CNOT7: variants seen among roughly 807,000 people sequenced by gnomAD.
The protein encoded by CNOT7 is BTG1-binding factor 1.
A neutral mutation model predicts 37.1 loss-of-function variants in CNOT7; 4 were observed. That is an observed-to-expected ratio of 0.11 (90% CI 0.05 to 0.25). CNOT7 has a LOEUF of 0.25. Among genes scored for constraint, CNOT7 ranks in the 10% least tolerant of loss-of-function variants. The pLI is 1.00. For missense variants in CNOT7, 170 were observed against 336.2 expected, an observed-to-expected ratio of 0.51 and a Z score of 3.87; for synonymous variants, 128 against 115.6, an observed-to-expected ratio of 1.11 and a Z score of -0.69.
At position 17,226,949 on chromosome 8, in the gene CNOT7, C is replaced by G. The variant is rs1360561080; in HGVS notation, c.*3771G>C. 2 of 151,334 alleles carry G rather than the reference C, an allele frequency of 1.3e-5. No homozygotes were observed. Among genetic ancestry groups the G allele is most frequent in the African/African-American group, 4.8e-5 (2 of 41,276 alleles). 9.4% of individuals were successfully genotyped at this position (151,334 alleles called of 1,614,324 possible). A position where few individuals can be genotyped will look rare whatever the true frequency, so the allele number is the denominator to read the frequency against. On this transcript the variant is annotated 3_prime_UTR_variant, in exon 7 of 7. Transcript: ENST00000361272. ...CAAAAAAATAAAAATAAATCTTTAG[C>G]ACTGCTAAGCCATTGAACGCCTGTG... is the stretch of plus-strand genomic sequence containing the variant.
At chr8:17,232,098 T>A (rs899844678) in intron 6 of CNOT7, 2 of 999,396 alleles carry the variant, frequency 2.0e-6, no homozygotes, top group African/African-American at 1.7e-5. Context: ...ACTCTGGAGT[T>A]CTCCCACTAG....
At position 17,230,806 on chromosome 8, in the gene CNOT7, G is replaced by A. The variant is rs1554473647; in HGVS notation, c.772C>T (p.His258Tyr). 2 of 1,606,326 alleles carry A rather than the reference G, an allele frequency of 1.2e-6. No individual in the cohort carries two copies. The highest frequency in any genetic ancestry group is 1.7e-6 in the Non-Finnish European group (2 of 1,174,562). The part of the protein sequence containing the change: ...DHIDDAKYCG[H>Y]LYGLGSGSSY... ...GAACCAGAACCAAGGCCATACAAAT[G>A]ACCACAATATTTGGCATCATCAATA... Residue 258 changes from histidine (H) to tyrosine (Y), a missense_variant, in exon 7 of 7, where the codon CAT (histidine) becomes TAT (tyrosine). Physicochemically the swap from His to Tyr is moderately conservative, Grantham distance 83. Around this residue, in one of 6 missense-constraint regions of CNOT7, gnomAD observed 25 missense variants for 43.3 expected, o/e 0.58. Coordinates refer to ENST00000361272, the MANE Select transcript of CNOT7 (RefSeq NM_013354.7).
In CNOT7 at chr8:17,226,421, C is replaced by G. The variant is rs966428903; in HGVS notation, c.*4299G>C. ...AAGGTACTGCTAAATACTGACACAT[C>G]CACCCATGAGCATGTGATTTTAGTT... is the stretch of plus-strand genomic sequence containing the variant. On this transcript the variant is annotated 3_prime_UTR_variant, in exon 7 of 7. Coordinates refer to ENST00000361272, the MANE Select transcript of CNOT7 (RefSeq NM_013354.7). 3.3e-4 allele frequency: 50 copies of G among 151,592 alleles called. No homozygotes were observed. Among genetic ancestry groups the G allele is most frequent in the Admixed American group, 3.0e-3 (45 of 15,194 alleles). 9.4% of individuals were successfully genotyped at this position (151,592 alleles called of 1,614,324 possible).
chr8:17,241,865 C>A (rs181957918), intron 3 of CNOT7: 281 of 152,198 alleles, frequency 1.8e-3, no homozygotes, highest in African/African-American at 6.5e-3. Flanking sequence ...TAATATTAAA[C>A]AATGAAATAA....
intron 3 of CNOT7, among the ~76,000 whole-genome samples, chr8:17,239,657 A>G (rs1268490229): frequency 3.3e-5 from 5 of 151,862 alleles, no homozygotes; most frequent in African/African-American, 1.2e-4. Flanking sequence ...ACACCCAGCT[A>G]ATTTTTTTTG....
Position 17,225,836 on chromosome 8 carries a change from C to T in CNOT7, c.*4884G>A, listed in dbSNP as rs1808116350. On this transcript the variant is annotated 3_prime_UTR_variant, in exon 7 of 7. Transcript: ENST00000361272. ...AAGCACCGACACACAGAATAATCAG[C>T]ATTTTTCCTATCCCTTTATTTATAA... 1.3e-5 allele frequency: 2 copies of T among 151,606 alleles called. No homozygotes were observed. Among genetic ancestry groups the T allele is most frequent in the African/African-American group, 2.4e-5 (1 of 41,358 alleles). 9.4% of individuals were successfully genotyped at this position (151,606 alleles called of 1,614,324 possible).
intron 5 of CNOT7, among the ~76,000 whole-genome samples, chr8:17,233,137 G>GGAAA (rs772739967): frequency 6.6e-6 from 1 of 152,024 alleles, no homozygotes; most frequent in South Asian, 2.1e-4. Context: ...TGGAAAGAGT[G>GGAAA]GAAAGAAAGA....
Position 17,243,234 on chromosome 8 carries a change from A to C in CNOT7, c.118-49T>G, listed in dbSNP as rs575793213. 14 of 1,414,418 alleles carry C rather than the reference A, an allele frequency of 9.9e-6. No individual in the cohort carries two copies. The African/African-American group carries it at 1.9e-4, about 19-fold the overall frequency. 87.6% of individuals were successfully genotyped at this position (1,414,418 alleles called of 1,614,324 possible). On this transcript the variant is annotated intron_variant, in intron 2 of 6. Transcript: ENST00000361272. ...TTATGTACTAAACAGTCAAAACTAC[A>C]ATCCACACATTTTTAATTTTTGATG...
intron 4 of CNOT7, 60 bp downstream of exon 4, chr8:17,237,149 AAGT>A: frequency 6.6e-7 from 1 of 1,514,566 alleles, no homozygotes; most frequent in Non-Finnish European, 9.1e-7. Context: ...ATAGTGACCC[AAGT>A]AAGTGTGGAG....
rs533536125 is a variant in CNOT7, at chr8:17,226,682, G to C, written c.*4038C>G. 6.6e-6 allele frequency: 1 copy of C among 151,702 alleles called. No homozygotes were observed. Among genetic ancestry groups the C allele is most frequent in the African/African-American group, 2.4e-5 (1 of 41,396 alleles). 9.4% of individuals were successfully genotyped at this position (151,702 alleles called of 1,614,324 possible). A position where few individuals can be genotyped will look rare whatever the true frequency, so the allele number is the denominator to read the frequency against. On this transcript the variant is annotated 3_prime_UTR_variant, in exon 7 of 7. Transcript: ENST00000361272. ...CTAAAAATGGATTTGGCAATACAGC[G>C]CTGTTTTGACTTCTCATAGCACAGA... is the stretch of plus-strand genomic sequence containing the variant.
chr8:17,243,216 C>A, intron 2 of CNOT7, 31 bp from the exon 3 acceptor site: 2 of 1,529,842 alleles, frequency 1.3e-6, no homozygotes, highest in Non-Finnish European at 1.8e-6. Context: ...TCATTATGTA[C>A]TAAACAGTCA....
chr8:17,245,272 A>C (rs1585858592), intron 1 of CNOT7, 25 bp from the exon 2 acceptor site: 1 of 1,004,384 alleles, frequency 1.0e-6, no homozygotes, highest in Non-Finnish European at 1.4e-6. Flanking sequence ...AAACAATATG[A>C]AGACCAGATA....
intron 3 of CNOT7, among the ~76,000 whole-genome samples, chr8:17,240,190 T>A (rs977728669): frequency 1.3e-5 from 2 of 152,228 alleles, no homozygotes; most frequent in African/African-American, 4.8e-5. Flanking sequence ...CCAAATGACT[T>A]CTTCTACCTA....
In CNOT7 at chr8:17,229,356, G is replaced by C. The variant is rs1466356080; in HGVS notation, c.*1364C>G. 1.3e-5 allele frequency: 2 copies of C among 152,242 alleles called. No homozygotes were observed. Among genetic ancestry groups the C allele is most frequent in the Non-Finnish European group, 2.9e-5 (2 of 67,834 alleles). 9.4% of individuals were successfully genotyped at this position (152,242 alleles called of 1,614,324 possible). A position where few individuals can be genotyped will look rare whatever the true frequency, so the allele number is the denominator to read the frequency against. On this transcript the variant is annotated 3_prime_UTR_variant, in exon 7 of 7. Transcript: ENST00000361272. ...ACAGCACTGTAATATCATGAATAAAGAATGTACAAGGGAGACAAACCAATG... is the reference window on the plus strand; with the variant it reads ...ACAGCACTGTAATATCATGAATAAACAATGTACAAGGGAGACAAACCAATG...
intron 2 of CNOT7, chr8:17,243,672 C>T: frequency 2.2e-6 from 1 of 456,286 alleles, no homozygotes; most frequent in South Asian, 1.5e-5. Context: ...AAACAATATT[C>T]TCTCTATAGT....
intron 3 of CNOT7, chr8:17,237,585 G>C: frequency 1.9e-6 from 1 of 522,668 alleles, no homozygotes; most frequent in Non-Finnish European, 3.4e-6. Context: ...AAATCATTCA[G>C]AGAGTCCAAA....
intron 5 of CNOT7, among the ~76,000 whole-genome samples, 196 bp from the exon 6 acceptor site, chr8:17,232,733 T>C (rs1421532867): frequency 1.3e-5 from 2 of 152,176 alleles, no homozygotes; most frequent in Non-Finnish European, 2.9e-5. Context: ...TATCATTTAA[T>C]AGAAAACAAG....
At chr8:17,241,072 T>TA (rs1810099047) in intron 3 of CNOT7, among the ~76,000 whole-genome samples, 1 of 152,166 alleles carries the variant, frequency 6.6e-6, no homozygotes, top group Non-Finnish European at 1.5e-5. Flanking sequence ...TGTGTATAGA[T>TA]ACAGGTATTT....
At chr8:17,245,872 C>A (rs960938325) in intron 1 of CNOT7, 1 of 151,836 alleles carries the variant, frequency 6.6e-6, no homozygotes, top group Non-Finnish European at 1.5e-5. Context: ...ATAGATGTCA[C>A]ATTTCTGGTC....
Sources: allele counts gnomAD v4.1 joint callset (sites outside exome capture counted in the v4.1 genomes callset), GRCh38; gene constraint gnomAD v4.1.1; regional missense constraint gnomAD v4.1.1; transcripts MANE v1.5; gene names NCBI Gene and HGNC (gene_info 2026-07-23, HGNC 2026-07-21).